Variants in DGKD observed in about 807,000 individuals in gnomAD.
DGKD encodes DAG kinase delta.
In DGKD, 68 loss-of-function variants were observed where a neutral mutation model predicts 154.4. That is an observed-to-expected ratio of 0.44 (90% CI 0.36 to 0.54). The LOEUF (loss-of-function observed/expected upper bound fraction) is 0.54, where lower values mean the gene tolerates loss of function less well. Among genes scored for constraint, DGKD ranks in the 20% least tolerant of loss-of-function variants. DGKD has a pLI of 0.00. For missense variants in DGKD, 1,343 were observed against 1,593.6 expected (o/e 0.84, Z 2.68); for synonymous variants, 693 against 638.0 (o/e 1.09, Z -1.30).
At position 233,438,734 on chromosome 2, in the gene DGKD, T is replaced by TTTTATTC. The variant is rs937946641; in HGVS notation, c.1085+357_1085+358insTATTCTT. ...TGTATTTTCTTTCATTTTATAATTTTTTATTTATCTGTCTATCTATCATCT... is the reference window on the plus strand; with the variant it reads ...TGTATTTTCTTTCATTTTATAATTTTTTTATTCTTATTTATCTGTCTATCTATCATCT... On this transcript the variant is annotated intron_variant, in intron 9 of 29. Transcript: ENST00000264057. This position sits in a 1 kb window ranked among gnomAD's most constrained non-coding sequence, Gnocchi z 4.1. 2.8e-5 allele frequency among the ~76,000 whole-genome samples: 4 copies of TTTTATTC among 141,800 alleles called. No homozygotes were observed. Among genetic ancestry groups the TTTTATTC allele is most frequent in the African/African-American group, 8.1e-5 (3 of 37,080 alleles). The allele number at this position is 141,800 out of a possible 152,430, so 93.0% of individuals were successfully genotyped here. A position where few individuals can be genotyped will look rare whatever the true frequency, so the allele number is the denominator to read the frequency against.
chr2:233,446,664 G>A (rs367703616), intron 11 of DGKD, 48 bp from the exon 12 acceptor site: 1 of 1,594,070 alleles, frequency 6.3e-7, no homozygotes, highest in African/African-American at 1.3e-5. Flanking sequence ...GTTCACCCTT[G>A]TGGGCCTGCA....
At chr2:233,442,619 T>C (rs2062934596) in intron 10 of DGKD, 1 of 172,874 alleles carries the variant, frequency 5.8e-6, no homozygotes, top group African/African-American at 2.4e-5. Flanking sequence ...TTGTTTTTGT[T>C]TTTTTGAGGT....
At chr2:233,408,948 C>G (rs1200573143) in intron 3 of DGKD, 1 of 152,214 alleles carries the variant, frequency 6.6e-6, no homozygotes, top group Non-Finnish European at 1.5e-5. Flanking sequence ...CACAGCTGGT[C>G]TGAAAAGCCA....
chr2:233,435,450 T>C (rs2062657321), intron 5 of DGKD, among the ~76,000 whole-genome samples: 1 of 152,230 alleles, frequency 6.6e-6, no homozygotes, highest in Non-Finnish European at 1.5e-5. Flanking sequence ...AAGAATCATA[T>C]TTTGTGACAC....
At chr2:233,366,250 A>G (rs553312492) in intron 1 of DGKD, among the ~76,000 whole-genome samples, 1 of 152,300 alleles carries the variant, frequency 6.6e-6, no homozygotes, top group Admixed American at 6.5e-5. Context: ...ACCTAATTGG[A>G]TCGTGGTTGA....
intron 2 of DGKD, among the ~76,000 whole-genome samples, chr2:233,389,587 A>C (rs1024518236): frequency 3.3e-5 from 5 of 151,982 alleles, no homozygotes; most frequent in African/African-American, 9.7e-5. Flanking sequence ...AAAAAAAAAA[A>C]ACACGACAAA....
In DGKD at chr2:233,445,772, G is replaced by A. The variant is rs2124828846; in HGVS notation, c.1334+10G>A. The stretch of plus-strand genomic sequence containing the variant: ...CCAAGATGCTGGACAGGTGAGTGGG[G>A]ATGTGCTCCGGTGCCGTATGAGGAG... On this transcript the variant is annotated intron_variant, in intron 11 of 29. Transcript: ENST00000264057. The surrounding 1 kb of genome is among the most constrained non-coding windows in gnomAD (Gnocchi z 5.5). 1 of 1,605,912 alleles carries A rather than the reference G, an allele frequency of 6.2e-7. No individual in the cohort carries two copies. Among genetic ancestry groups the A allele is most frequent in the East Asian group, 2.2e-5 (1 of 44,538 alleles).
chr2:233,365,262 G>A (rs1185435681), intron 1 of DGKD, among the ~76,000 whole-genome samples: 4 of 150,502 alleles, frequency 2.7e-5, no homozygotes, highest in Non-Finnish European at 4.4e-5. Context: ...ACGGAGTTTC[G>A]CTCTGTTGCC....
At chr2:233,425,943 A>G (rs1025808003) in intron 3 of DGKD, among the ~76,000 whole-genome samples, 5 of 152,226 alleles carry the variant, frequency 3.3e-5, no homozygotes, top group African/African-American at 7.2e-5. Context: ...ACAGGTGTAT[A>G]TTTTCAAGTC....
chr2:233,380,685 G>T (rs113558707), intron 1 of DGKD, among the ~76,000 whole-genome samples: 1 of 152,062 alleles, frequency 6.6e-6, no homozygotes, highest in Non-Finnish European at 1.5e-5. Flanking sequence ...TGTGTGGGGG[G>T]GTGTTAACAC....
At chr2:233,356,815 G>A (rs2125366136) in intron 1 of DGKD, among the ~76,000 whole-genome samples, 1 of 151,834 alleles carries the variant, frequency 6.6e-6, no homozygotes, top group East Asian at 1.9e-4. Context: ...GTATGTAATA[G>A]CTCCATTTTT....
At chr2:233,373,200 C>T (rs945122695) in intron 1 of DGKD, among the ~76,000 whole-genome samples, 2 of 151,966 alleles carry the variant, frequency 1.3e-5, no homozygotes, top group African/African-American at 2.4e-5. Flanking sequence ...GCAACAGGGA[C>T]GGTACTATGT....
chr2:233,459,790 G>C lies in DGKD; in HGVS notation c.2728G>C (p.Glu910Gln). Residue 910 changes from glutamate to glutamine, a missense_variant, in exon 23 of 30, where the codon GAG becomes CAG. Around this residue, in one of 6 missense-constraint regions of DGKD, gnomAD observed 429 missense variants for 496.3 expected, o/e 0.86. Coordinates refer to ENST00000264057, the MANE Select transcript of DGKD (RefSeq NM_152879.3). This position sits in a 1 kb window ranked among gnomAD's most constrained non-coding sequence, Gnocchi z 5.7. ...GGTGAAGATCTCCATCCTTGGGGAT[G>C]AGGGCGTGCCTGTGCAGGTGGACGG... ...RTVKISILGD[E>Q]GVPVQVDGEA... 6.2e-7 allele frequency: 1 copy of C among 1,613,916 alleles called. No individual in the cohort carries two copies. The highest frequency in any genetic ancestry group is 8.5e-7 in the Non-Finnish European group (1 of 1,179,942).
chr2:233,468,911 G>A (rs2063914281), intron 29 of DGKD, among the ~76,000 whole-genome samples: 1 of 152,250 alleles, frequency 6.6e-6, no homozygotes, highest in Non-Finnish European at 1.5e-5. Flanking sequence ...CGTCTGCAGG[G>A]AGCATTGGGA....
chr2:233,380,788 C>A (rs1434875463), intron 1 of DGKD, among the ~76,000 whole-genome samples: 2 of 152,122 alleles, frequency 1.3e-5, no homozygotes, highest in African/African-American at 4.8e-5. Flanking sequence ...GAGCCGCTCT[C>A]CTGGGGGTTT....
intron 3 of DGKD, among the ~76,000 whole-genome samples, chr2:233,396,802 G>A (rs1305376016): frequency 1.3e-5 from 2 of 152,180 alleles, no homozygotes; most frequent in Admixed American, 1.3e-4. Flanking sequence ...GATGGGGCAG[G>A]TGGAGGGACC....
At chr2:233,407,289 A>C (rs1321259451) in intron 3 of DGKD, among the ~76,000 whole-genome samples, 1 of 152,280 alleles carries the variant, frequency 6.6e-6, no homozygotes, top group Admixed American at 6.5e-5. Flanking sequence ...TATTAAAAAT[A>C]GCTTTTGTAG....
Position 233,389,857 on chromosome 2 carries a change from T to C in DGKD, c.268-546T>C, listed in dbSNP as rs907479470. On this transcript the variant is annotated intron_variant, in intron 2 of 29. Transcript: ENST00000264057. ...AGCATCTTTCTCTCCAGGACCAGGA[T>C]CCTTCTGCTCTACTCCCTTGTTTCC... is the stretch of plus-strand genomic sequence containing the variant. Among the ~76,000 whole-genome samples the C allele has an allele frequency of 2.0e-5, 3 of 152,250 alleles. No homozygotes were observed. In the East Asian group the frequency reaches 5.8e-4, roughly 29 times the overall value.
chr2:233,454,566 T>G (rs2063395252), intron 18 of DGKD, 197 bp from the exon 19 acceptor site: 1 of 564,146 alleles, frequency 1.8e-6, no homozygotes, highest in Admixed American at 3.1e-5. Context: ...TAAATGACTC[T>G]GAATATACTA....
Sources: allele counts gnomAD v4.1 joint callset (sites outside exome capture counted in the v4.1 genomes callset), GRCh38; gene constraint gnomAD v4.1.1; regional missense constraint gnomAD v4.1.1; non-coding constraint Gnocchi (gnomAD v3.1); transcripts MANE v1.5; gene names NCBI Gene and HGNC (gene_info 2026-07-23, HGNC 2026-07-21).